Variants in SCLT1 observed in about 807,000 individuals in gnomAD.
SCLT1 encodes sodium channel and clathrin linker 1, also known as sodium channel-associated protein 1.
In SCLT1, 78 loss-of-function variants were observed where a neutral mutation model predicts 112.8. The ratio of observed to expected loss-of-function variants is 0.69; its 90% CI spans 0.58 to 0.83. The LOEUF (loss-of-function observed/expected upper bound fraction) is 0.83, where lower values mean the gene tolerates loss of function less well. Ranked by LOEUF, SCLT1 falls within the 40% of genes least tolerant of loss-of-function variation. The probability of loss-of-function intolerance (pLI) is 0.00; values close to 1 mark genes in which losing one functional copy is unlikely to be tolerated. For synonymous variants in SCLT1, 257 were observed against 254.7 expected (o/e 1.01, Z -0.09); for missense variants, 747 against 770.4 (o/e 0.97, Z 0.36).
At chr4:128,930,282 G>A (rs1385017246) in intron 18 of SCLT1, among the ~76,000 whole-genome samples, 1 of 152,126 alleles carries the variant, frequency 6.6e-6, no homozygotes, top group African/African-American at 2.4e-5. Context: ...GAGGTATCTG[G>A]CCATAAATAG....
chr4:128,901,652 C>T (rs1232392766), intron 18 of SCLT1, among the ~76,000 whole-genome samples: 1 of 151,434 alleles, frequency 6.6e-6, no homozygotes, highest in Non-Finnish European at 1.5e-5. Context: ...ACACATGTAC[C>T]CTAAAACTTA....
chr4:129,057,471 C>T (rs1749518920), intron 2 of SCLT1, among the ~76,000 whole-genome samples: 2 of 148,420 alleles, frequency 1.3e-5, no homozygotes. Context: ...CAGGCGTGCG[C>T]CATCATGCCC....
chr4:129,074,576 T>G (rs1419276190), intron 2 of SCLT1, among the ~76,000 whole-genome samples: 1 of 152,166 alleles, frequency 6.6e-6, no homozygotes, highest in East Asian at 1.9e-4. Context: ...TAAAAAACAT[T>G]TACAAATGTT....
chr4:128,916,809 T>TA (rs1189565786), intron 18 of SCLT1, among the ~76,000 whole-genome samples: 3 of 152,206 alleles, frequency 2.0e-5, no homozygotes, highest in African/African-American at 7.2e-5. Context: ...ATAGTATAGT[T>TA]ATACGTCTTG....
At chr4:128,964,122 C>T (rs1325040415) in intron 11 of SCLT1, among the ~76,000 whole-genome samples, 1 of 152,112 alleles carries the variant, frequency 6.6e-6, no homozygotes, top group African/African-American at 2.4e-5. Flanking sequence ...CTGCATGGAC[C>T]ATTCTGATAT....
chr4:128,878,884 T>G (rs768283542), intron 3 of SCLT1, among the ~76,000 whole-genome samples: 1 of 152,014 alleles, frequency 6.6e-6, no homozygotes, highest in Non-Finnish European at 1.5e-5. Flanking sequence ...GAAGATACTT[T>G]GTTCTAGCAA....
intron 5 of SCLT1, among the ~76,000 whole-genome samples, chr4:129,021,362 G>T (rs1476266421): frequency 6.6e-6 from 1 of 152,190 alleles, no homozygotes; most frequent in African/African-American, 2.4e-5. Context: ...CCCTGGAAAG[G>T]GGGCTGAAGC....
intron 9 of SCLT1, among the ~76,000 whole-genome samples, chr4:128,978,255 A>G (rs983055705): frequency 6.6e-6 from 1 of 152,166 alleles, no homozygotes; most frequent in Non-Finnish European, 1.5e-5. Flanking sequence ...TATGGAACTC[A>G]ACAAAGCAAT....
intron 20 of SCLT1, among the ~76,000 whole-genome samples, chr4:128,886,698 C>T (rs989444303): frequency 1.3e-5 from 2 of 152,056 alleles, no homozygotes. Context: ...ACTGACAAAA[C>T]ATTTTAAAAA....
At chr4:128,907,401 T>C (rs932178000) in intron 18 of SCLT1, among the ~76,000 whole-genome samples, 2 of 152,164 alleles carry the variant, frequency 1.3e-5, no homozygotes, top group African/African-American at 4.8e-5. Flanking sequence ...AATGGACAGA[T>C]TGAAGAGATA....
chr4:128,957,130 GA>G lies in SCLT1; in HGVS notation c.1048-7del. 1 of 1,483,406 alleles carries G rather than the reference GA, an allele frequency of 6.7e-7. No homozygotes were observed. Among genetic ancestry groups the G allele is most frequent in the Non-Finnish European group, 9.3e-7 (1 of 1,078,220 alleles). 91.9% of individuals were successfully genotyped at this position (1,483,406 alleles called of 1,614,324 possible). ...TGCTTCTCCTCAAGTAGAGCCTTCA[GA>G]AAATAATCATTTCATGTTATAGATA... On this transcript the variant is annotated splice_polypyrimidine_tract_variant and splice_region_variant and intron_variant, in intron 12 of 20. Transcript: ENST00000281142.
intron 2 of SCLT1, among the ~76,000 whole-genome samples, chr4:129,061,369 A>G (rs1243724176): frequency 6.6e-6 from 1 of 152,108 alleles, no homozygotes; most frequent in Non-Finnish European, 1.5e-5. Flanking sequence ...GCTCCAGGGA[A>G]GCAGGGTATG....
At chr4:128,891,260 A>G (rs1733292307) in intron 18 of SCLT1, 123 bp from the exon 19 acceptor site, 1 of 690,866 alleles carries the variant, frequency 1.4e-6, no homozygotes, top group East Asian at 2.7e-5. Flanking sequence ...AAATAAAGTC[A>G]CTTACTAATA....
intron 1 of SCLT1, among the ~76,000 whole-genome samples, chr4:129,091,740 C>T (rs1752838533): frequency 6.6e-6 from 1 of 152,202 alleles, no homozygotes; most frequent in Admixed American, 6.5e-5. Context: ...TTAAGTCTCA[C>T]AACTTCAAGA....
intron 1 of SCLT1, among the ~76,000 whole-genome samples, chr4:129,085,047 G>A (rs1447495933): frequency 2.0e-5 from 3 of 152,134 alleles, no homozygotes; most frequent in African/African-American, 7.2e-5. Flanking sequence ...AGGAGCTTTG[G>A]CACAGCAAAG....
At chr4:128,954,672 T>A (rs1739075273) in intron 13 of SCLT1, among the ~76,000 whole-genome samples, 1 of 152,182 alleles carries the variant, frequency 6.6e-6, no homozygotes. Flanking sequence ...ATATTAAGAA[T>A]CAATGTATTC....
At chr4:128,971,460 G>A (rs1387276832) in intron 9 of SCLT1, 1 of 152,018 alleles carries the variant, frequency 6.6e-6, no homozygotes, top group East Asian at 1.9e-4. Context: ...AGTTATTAGT[G>A]CCAGGGACTG....
chr4:128,971,125 A>G (rs553818898), intron 9 of SCLT1: 1 of 152,310 alleles, frequency 6.6e-6, no homozygotes, highest in South Asian at 2.1e-4. Flanking sequence ...TTTCTTAAAC[A>G]GAAAAAATGA....
chr4:129,047,027 T>G (rs1748247600), intron 2 of SCLT1, among the ~76,000 whole-genome samples: 1 of 152,142 alleles, frequency 6.6e-6, no homozygotes, highest in South Asian at 2.1e-4. Flanking sequence ...CTTCATATAT[T>G]CTAGATTTTT....
Sources: allele counts gnomAD v4.1 joint callset (sites outside exome capture counted in the v4.1 genomes callset), GRCh38; gene constraint gnomAD v4.1.1; transcripts MANE v1.5; gene names NCBI Gene and HGNC (gene_info 2026-07-23, HGNC 2026-07-21).